The following CFAP69 variants were observed in gnomAD, a reference collection of about 807,000 sequenced individuals.
CFAP69 encodes cilia and flagella associated protein 69.
In CFAP69, 92 loss-of-function variants were observed where a neutral mutation model predicts 123.0. That is an observed-to-expected ratio of 0.75 (90% CI 0.63 to 0.89). The LOEUF (loss-of-function observed/expected upper bound fraction) is 0.89, where lower values mean the gene tolerates loss of function less well. Among genes scored for constraint, CFAP69 ranks in the 40% least tolerant of loss-of-function variants. CFAP69 has a pLI of 0.00. For synonymous variants in CFAP69, 380 were observed against 364.3 expected (o/e 1.04, Z -0.49); for missense variants, 1,067 against 1,096.9 (o/e 0.97, Z 0.39).
Position 90,279,268 on chromosome 7 carries a change from A to G in CFAP69, c.1156-409A>G, listed in dbSNP as rs559567152. ...TGAGTCTGTGAGATATTTCCTTTTA[A>G]AAAAAGAGTGAGGAAAGAGATGTCA... On this transcript the variant is annotated intron_variant, in intron 11 of 22. Transcript: ENST00000389297. Among the ~76,000 whole-genome samples the G allele has an allele frequency of 9.2e-5, 14 of 152,236 alleles. No individual in the cohort carries two copies. The South Asian group carries it at 2.1e-3, about 23-fold the overall frequency.
At chr7:90,304,921 C>A in intron 19 of CFAP69, 101 bp downstream of exon 19, 1 of 861,516 alleles carries the variant, frequency 1.2e-6, no homozygotes, top group Non-Finnish European at 1.7e-6. Flanking sequence ...CATCTACATA[C>A]TGTATAGTTT....
intron 12 of CFAP69, among the ~76,000 whole-genome samples, chr7:90,282,464 A>G (rs953331367): frequency 6.6e-6 from 1 of 152,200 alleles, no homozygotes; most frequent in Non-Finnish European, 1.5e-5. Context: ...TTCTGGTCAC[A>G]TGGAAAAACT....
intron 16 of CFAP69, among the ~76,000 whole-genome samples, chr7:90,298,250 T>C (rs1792282643): frequency 6.6e-6 from 1 of 152,170 alleles, no homozygotes; most frequent in South Asian, 2.1e-4. Context: ...TAAAGAACTA[T>C]GTATTATTTG....
At chr7:90,304,917 C>T in intron 19 of CFAP69, 97 bp downstream of exon 19, 7 of 884,310 alleles carry the variant, frequency 7.9e-6, no homozygotes, top group Non-Finnish European at 1.2e-5. Flanking sequence ...CAATCATCTA[C>T]ATACTGTATA....
rs17863976 is a variant in CFAP69, at chr7:90,289,720, G to T, written c.1775+1368G>T. 9.8e-3 allele frequency among the ~76,000 whole-genome samples: 1,495 copies of T among 152,194 alleles called. 27 individuals carry two copies. Among genetic ancestry groups the T allele is most frequent in the Non-Finnish European group, 0.013 (889 of 67,996 alleles). ...TTACCCCATAGTCATGAAGATCACT[G>T]CCTATGTTTCTTCTAGAAGCTTTAT... is the stretch of plus-strand genomic sequence containing the variant. On this transcript the variant is annotated intron_variant, in intron 15 of 22. Transcript: ENST00000389297.
Position 90,299,890 on chromosome 7 carries a change from T to C in CFAP69, c.1881T>C (p.Asn627=). 1 of 1,607,346 alleles carries C rather than the reference T, an allele frequency of 6.2e-7. No individual in the cohort carries two copies. The highest frequency in any genetic ancestry group is 8.5e-7 in the Non-Finnish European group (1 of 1,177,188). ...AGTTGAACCAAAAAAAATTCTGTAA[T>C]CTAATACTTGGAATAATGGTTGAAT... ...LLALNQKKFC[N]LILGIMVEFC... The change falls in exon 17 of 23, where the codon AAT becomes AAC. Residue 627 remains asparagine, a synonymous_variant. Coordinates refer to ENST00000389297, the MANE Select transcript of CFAP69 (RefSeq NM_001039706.3).
At chr7:90,253,551 TGG>T (rs1562837059) in intron 1 of CFAP69, among the ~76,000 whole-genome samples, 1 of 152,012 alleles carries the variant, frequency 6.6e-6, no homozygotes, top group African/African-American at 2.4e-5. Flanking sequence ...CCATCACACC[TGG>T]CTAATGTTTT....
At chr7:90,298,710 T>C (rs1370139605) in intron 16 of CFAP69, among the ~76,000 whole-genome samples, 1 of 152,202 alleles carries the variant, frequency 6.6e-6, no homozygotes, top group African/African-American at 2.4e-5. Flanking sequence ...AGTGATTGTA[T>C]GTCTGTGTGT....
intron 1 of CFAP69, among the ~76,000 whole-genome samples, chr7:90,254,603 A>G (rs553513564): frequency 4.6e-5 from 7 of 152,266 alleles, no homozygotes; most frequent in Admixed American, 3.3e-4. Flanking sequence ...TTAGGGTGCT[A>G]TGAGAGCACG....
chr7:90,315,396 A>T (rs1440374836), downstream of CFAP69, among the ~76,000 whole-genome samples: 1 of 152,274 alleles, frequency 6.6e-6, no homozygotes, highest in Non-Finnish European at 1.5e-5. Context: ...AATGTGGTCC[A>T]TATACACCAT....
intron 1 of CFAP69, among the ~76,000 whole-genome samples, chr7:90,251,646 C>A (rs1456487491): frequency 6.6e-6 from 1 of 151,488 alleles, no homozygotes; most frequent in African/African-American, 2.4e-5. Context: ...TTGTTATTCC[C>A]CACACCTAGC....
rs1375017894 is a variant in CFAP69, at chr7:90,304,708, G to A, written c.2189-36G>A. ...ATAGATTCTTAGAATCACTTGCTCT[G>A]CTAAAGTAATTCTGTCTTTATAAAC... On this transcript the variant is annotated intron_variant, in intron 18 of 22. Coordinates refer to ENST00000389297, the MANE Select transcript of CFAP69 (RefSeq NM_001039706.3). 3.2e-6 allele frequency: 5 copies of A among 1,586,430 alleles called. No homozygotes were observed. The African/African-American group carries it at 6.8e-5, about 22-fold the overall frequency.
At chr7:90,303,741 T>C (rs893068137) in intron 17 of CFAP69, 5 of 1,088,402 alleles carry the variant, frequency 4.6e-6, no homozygotes, top group Admixed American at 9.8e-5. Flanking sequence ...GAAATTTTAA[T>C]ATTTTACATA....
chr7:90,321,844 T>A, the CFAP69 span, among the ~76,000 whole-genome samples: 1 of 152,194 alleles, frequency 6.6e-6, no homozygotes, highest in Non-Finnish European at 1.5e-5. Flanking sequence ...ACCTTGAATT[T>A]CACATATGTA....
At position 90,296,575 on chromosome 7, in the gene CFAP69, C is replaced by T. The variant is rs908052452; in HGVS notation, c.1776-1174C>T. On this transcript the variant is annotated intron_variant, in intron 15 of 22. Coordinates refer to ENST00000389297, the MANE Select transcript of CFAP69 (RefSeq NM_001039706.3). ...ACTCCTGACCTCAGGTGATCCACCC[C>T]CCTCAGCCTCCCAAAGTGCTGGTAT... Among the ~76,000 whole-genome samples the T allele has an allele frequency of 3.9e-5, 6 of 151,928 alleles. No individual in the cohort carries two copies. In the East Asian group the frequency reaches 9.7e-4, roughly 25 times the overall value.
At chr7:90,272,770 G>A (rs1015207955) in intron 8 of CFAP69, among the ~76,000 whole-genome samples, 19 of 151,876 alleles carry the variant, frequency 1.3e-4, no homozygotes, top group Non-Finnish European at 1.6e-4. Context: ...AGAAGTCTAC[G>A]ATCACATCAT....
At chr7:90,248,607 A>G (rs1051633512) in intron 1 of CFAP69, among the ~76,000 whole-genome samples, 2 of 152,182 alleles carry the variant, frequency 1.3e-5, no homozygotes, top group Non-Finnish European at 2.9e-5. Flanking sequence ...ATAGTTTAGG[A>G]ATCTGGGATT....
In CFAP69 at chr7:90,268,437, C is replaced by T. The variant is rs17869450; in HGVS notation, c.532+53C>T. 3,837 of 1,278,326 alleles carry T rather than the reference C, an allele frequency of 3.0e-3. 110 individuals are homozygous for T. In the African/African-American group the frequency reaches 0.051, roughly 17 times the overall value. 79.2% of individuals were successfully genotyped at this position (1,278,326 alleles called of 1,614,324 possible). A position where few individuals can be genotyped will look rare whatever the true frequency, so the allele number is the denominator to read the frequency against. On this transcript the variant is annotated intron_variant, in intron 6 of 22. Coordinates refer to ENST00000389297, the MANE Select transcript of CFAP69 (RefSeq NM_001039706.3). Reference sequence around the variant, plus strand: ...TAACTTGTGTATGTAGAAAACAGAACATTCTCATATCTCTTTGAATTTGAC... The same window carrying T: ...TAACTTGTGTATGTAGAAAACAGAATATTCTCATATCTCTTTGAATTTGAC...
chr7:90,255,597 A>G (rs1019780685), intron 2 of CFAP69, 115 bp downstream of exon 2: 1 of 784,178 alleles, frequency 1.3e-6, no homozygotes, highest in South Asian at 1.6e-5. Flanking sequence ...TGTTGAAAAC[A>G]TTTTAAATAG....
Sources: gnomAD v4.1 joint callset for allele counts (sites outside exome capture counted in the v4.1 genomes callset) on GRCh38, gnomAD v4.1.1 for gene constraint, MANE v1.5 for transcripts, NCBI Gene and HGNC (gene_info 2026-07-23, HGNC 2026-07-21) for gene names.